BMP7: variants seen among roughly 807,000 people sequenced by gnomAD.
The protein encoded by BMP7 is osteogenic protein 1.
In BMP7, 12 loss-of-function variants were observed where a neutral mutation model predicts 41.2. That is an observed-to-expected ratio of 0.29 (90% CI 0.19 to 0.47). The LOEUF is 0.47. BMP7 is among the 20% of genes least tolerant of loss of function. The pLI is 0.99. For missense variants in BMP7, 467 were observed against 606.0 expected (o/e 0.77, Z 2.41); for synonymous variants, 248 against 250.0 (o/e 0.99, Z 0.07).
intron 3 of BMP7, among the ~76,000 whole-genome samples, chr20:57,193,116 T>C (rs995428367): frequency 3.9e-5 from 6 of 152,182 alleles, no homozygotes; most frequent in African/African-American, 1.4e-4. Flanking sequence ...GTCTTAGTTT[T>C]TAAGTTACCA....
intron 2 of BMP7, among the ~76,000 whole-genome samples, chr20:57,219,880 G>A (rs891673421): frequency 6.6e-6 from 1 of 152,210 alleles, no homozygotes; most frequent in Admixed American, 6.5e-5. Flanking sequence ...ATCCTCAGCT[G>A]AGGGTGAGCT....
At chr20:57,217,249 C>A (rs1206288335) in intron 2 of BMP7, among the ~76,000 whole-genome samples, 1 of 152,204 alleles carries the variant, frequency 6.6e-6, no homozygotes, top group African/African-American at 2.4e-5. Flanking sequence ...AGCCCGCTCC[C>A]TAAGCCCACA....
chr20:57,262,336 G>T (rs764635570), intron 1 of BMP7, among the ~76,000 whole-genome samples: 16 of 152,324 alleles, frequency 1.1e-4, no homozygotes, highest in Non-Finnish European at 2.1e-4. Context: ...AACTTAAGGG[G>T]CCCAGGCTGG....
At chr20:57,264,811 C>T (rs1380850518) in intron 1 of BMP7, among the ~76,000 whole-genome samples, 3 of 152,086 alleles carry the variant, frequency 2.0e-5, no homozygotes, top group Non-Finnish European at 4.4e-5. Context: ...GCGGGAGGAT[C>T]ACCTGAGATC....
chr20:57,209,956 T>C (rs747837943), intron 2 of BMP7, among the ~76,000 whole-genome samples: 10 of 152,196 alleles, frequency 6.6e-5, no homozygotes, highest in Non-Finnish European at 1.3e-4. Flanking sequence ...CTGGCTCTCA[T>C]CTTCTTTCCT....
rs1356043456 is a variant in BMP7 at position 57,259,953 on chromosome 20, G to C, written c.418+5752C>G. On this transcript the variant is annotated intron_variant, in intron 1 of 6. Transcript: ENST00000395863. This position sits in a 1 kb window ranked among gnomAD's most constrained non-coding sequence, Gnocchi z 4.7. ...AATTATTATTTGTCAGATGCCATTT[G>C]CTGCAAAACCCGGAATTCAATCCCA... 6.6e-6 allele frequency among the ~76,000 whole-genome samples: 1 copy of C among 152,060 alleles called. No homozygotes were observed. Among genetic ancestry groups the C allele is most frequent in the Non-Finnish European group, 1.5e-5 (1 of 68,032 alleles).
At chr20:57,216,155 C>A (rs1390424258) in intron 2 of BMP7, among the ~76,000 whole-genome samples, 2 of 152,116 alleles carry the variant, frequency 1.3e-5, no homozygotes, top group African/African-American at 4.8e-5. Context: ...AGGAAGGGGG[C>A]AGGCTGAGGA....
At chr20:57,209,731 C>T (rs989925982) in intron 2 of BMP7, among the ~76,000 whole-genome samples, 1 of 152,212 alleles carries the variant, frequency 6.6e-6, no homozygotes, top group African/African-American at 2.4e-5. Flanking sequence ...AGTGTACACA[C>T]AGCTGCATGA....
intron 1 of BMP7, among the ~76,000 whole-genome samples, chr20:57,264,101 T>C (rs2066164074): frequency 6.6e-6 from 1 of 152,222 alleles, no homozygotes; most frequent in Non-Finnish European, 1.5e-5. Context: ...TTTGAAGGTA[T>C]TTTGGCATCT....
intron 2 of BMP7, among the ~76,000 whole-genome samples, chr20:57,221,811 CAAAAAAAAA>C (rs57893562): frequency 0.67 from 85,011 of 127,626 alleles, 26,715 homozygotes; most frequent in African/African-American, 0.79. Flanking sequence ...CCCTATCTCT[CAAAAAAAAA>C]AAAAAAAAAA....
At position 57,222,065 on chromosome 20, in the gene BMP7, A is replaced by G. The variant is rs550587656; in HGVS notation, c.611+6164T>C. 1.1e-4 allele frequency among the ~76,000 whole-genome samples: 16 copies of G among 152,278 alleles called. No individual in the cohort carries two copies. In the South Asian group the frequency reaches 3.1e-3, roughly 30 times the overall value. On this transcript the variant is annotated intron_variant, in intron 2 of 6. Transcript: ENST00000395863. Reference sequence around the variant, plus strand: ...AGCAGACCTTTCCCACAGGTGGTCTACAAGAGGGGCAGGACTGACCACCTC... The same window carrying G: ...AGCAGACCTTTCCCACAGGTGGTCTGCAAGAGGGGCAGGACTGACCACCTC...
rs113246408 is a variant in BMP7 at position 57,228,487 on chromosome 20, C to G, written c.419-66G>C. On this transcript the variant is annotated intron_variant, in intron 1 of 6. Transcript: ENST00000395863. This position sits in a 1 kb window ranked among gnomAD's most constrained non-coding sequence, Gnocchi z 4.5. ...TTAGTGTCTGGGTTTCACTCTCTGG[C>G]TCTGAGTCCAAGCATCTTGCCTAAG... 1.8e-5 allele frequency: 29 copies of G among 1,576,136 alleles called. No homozygotes were observed. In the African/African-American group the frequency reaches 3.2e-4, roughly 18 times the overall value.
chr20:57,228,206 C>T lies in BMP7; in HGVS notation c.611+23G>A, dbSNP rs372685198. 3.7e-5 allele frequency: 60 copies of T among 1,611,672 alleles called. No homozygotes were observed. The highest frequency in any genetic ancestry group is 5.1e-5 in the Non-Finnish European group (60 of 1,179,196). On this transcript the variant is annotated intron_variant, in intron 2 of 6. Coordinates refer to ENST00000395863, the MANE Select transcript of BMP7 (RefSeq NM_001719.3). This position sits in a 1 kb window ranked among gnomAD's most constrained non-coding sequence, Gnocchi z 4.5. ...CCCCAGAGGAAACTCAGCACCTCTC[C>T]CAGATACCCGTATAGCACCCACCTG...
At chr20:57,178,123 A>T (rs1205203497) in intron 4 of BMP7, 2 of 152,500 alleles carry the variant, frequency 1.3e-5, no homozygotes. Flanking sequence ...AGGAGGTGAC[A>T]TGTGGGTAAG....
At chr20:57,253,730 TG>T (rs1053361952) in intron 1 of BMP7, among the ~76,000 whole-genome samples, 29 of 152,020 alleles carry the variant, frequency 1.9e-4, no homozygotes, top group African/African-American at 6.8e-4. Context: ...GCATCATAGT[TG>T]CTTCCTTTAA....
At chr20:57,200,725 G>C (rs771779790) in intron 3 of BMP7, among the ~76,000 whole-genome samples, 14 of 152,312 alleles carry the variant, frequency 9.2e-5, no homozygotes, top group Non-Finnish European at 1.3e-4. Flanking sequence ...AACCTGGGAG[G>C]CGGAGGTTAT....
chr20:57,247,761 C>G lies in BMP7; in HGVS notation c.418+17944G>C, dbSNP rs1251056193. ...CTTAAAATGCTTTGAGTCTCTTGCTCTGTTCATCCTCCACTCAGGGGAAAC... is the reference window on the plus strand; with the variant it reads ...CTTAAAATGCTTTGAGTCTCTTGCTGTGTTCATCCTCCACTCAGGGGAAAC... On this transcript the variant is annotated intron_variant, in intron 1 of 6. Transcript: ENST00000395863. Among the ~76,000 whole-genome samples the G allele has an allele frequency of 2.0e-5, 3 of 152,162 alleles. No individual in the cohort carries two copies. In the East Asian group the frequency reaches 5.8e-4, roughly 29 times the overall value.
rs1237000217 is a variant in BMP7 at position 57,170,297 on chromosome 20, C to T, written c.*662G>A. The T allele has an allele frequency of 6.3e-6, 1 of 159,902 alleles. No individual in the cohort carries two copies. The highest frequency in any genetic ancestry group is 2.4e-5 in the African/African-American group (1 of 41,516). The allele number at this position is 159,902 out of a possible 1,614,324, so 9.9% of individuals were successfully genotyped here. ...GCCCTCCTCGGAGCAGACATTTGCT[C>T]TTTCCCCTCCCACTAGATCTTGGAT... On this transcript the variant is annotated 3_prime_UTR_variant, in exon 7 of 7. Transcript: ENST00000395863.
rs1179447050 is a variant in BMP7 at position 57,169,216 on chromosome 20, C to A, written c.*1743G>T. On this transcript the variant is annotated 3_prime_UTR_variant, in exon 7 of 7. Coordinates refer to ENST00000395863, the MANE Select transcript of BMP7 (RefSeq NM_001719.3). ...AACATCAAAGAAAATAAAAACAGAG[C>A]CCCGGTGTTTCCAGGAACTGTCTGA... 1 of 152,200 alleles carries A rather than the reference C, an allele frequency of 6.6e-6. No homozygotes were observed. Among genetic ancestry groups the A allele is most frequent in the East Asian group, 1.9e-4 (1 of 5,192 alleles). 9.4% of individuals were successfully genotyped at this position (152,200 alleles called of 1,614,324 possible).
Sources: allele counts gnomAD v4.1 joint callset (sites outside exome capture counted in the v4.1 genomes callset), GRCh38; gene constraint gnomAD v4.1.1; non-coding constraint Gnocchi (gnomAD v3.1); transcripts MANE v1.5; gene names NCBI Gene and HGNC (gene_info 2026-07-23, HGNC 2026-07-21).